Variants in LRRC53 observed in about 807,000 individuals in gnomAD.
The protein encoded by LRRC53 is leucine-rich repeat-containing protein 53.
In LRRC53, 25 loss-of-function variants were observed where a neutral mutation model predicts 13.6. That is an observed-to-expected ratio of 1.83 (90% CI 1.34 to 2.56). The LOEUF is 2.56. LRRC53 is among the 30% of genes most tolerant of loss of function. The probability of loss-of-function intolerance (pLI) is 0.00; values close to 1 mark genes in which losing one functional copy is unlikely to be tolerated. For missense variants in LRRC53, 527 were observed against 275.8 expected, an observed-to-expected ratio of 1.91 and a Z score of -6.45; for synonymous variants, 204 against 109.8, an observed-to-expected ratio of 1.86 and a Z score of -5.37.
intron 1 of LRRC53, among the ~76,000 whole-genome samples, chr1:74,507,846 A>G (rs1669983739): frequency 6.6e-6 from 1 of 152,224 alleles, no homozygotes; most frequent in African/African-American, 2.4e-5. Flanking sequence ...AAGGCTGAAA[A>G]TTGAAGCAGC....
At chr1:74,501,952 A>G (rs1669656297) in intron 1 of LRRC53, among the ~76,000 whole-genome samples, 1 of 152,048 alleles carries the variant, frequency 6.6e-6, no homozygotes, top group African/African-American at 2.4e-5. Context: ...TCCTCTGCAT[A>G]TCTTTATGTA....
chr1:74,479,192 A>G (rs1668354744), intron 3 of LRRC53, among the ~76,000 whole-genome samples: 1 of 152,124 alleles, frequency 6.6e-6, no homozygotes, highest in South Asian at 2.1e-4. Context: ...GGTTACCCAC[A>G]GGTGCAGAGG....
At chr1:74,477,606 A>G (rs1668268546) in intron 3 of LRRC53, among the ~76,000 whole-genome samples, 1 of 152,198 alleles carries the variant, frequency 6.6e-6, no homozygotes, top group East Asian at 1.9e-4. Flanking sequence ...GAGAGTAAAC[A>G]TAATTTGATT....
chr1:74,525,508 A>G, the LRRC53 span, among the ~76,000 whole-genome samples: 3 of 152,148 alleles, frequency 2.0e-5, no homozygotes, highest in Non-Finnish European at 1.5e-5. Context: ...AATCTGAGAG[A>G]TGAGGCTGAA....
rs1379081309 is a variant in LRRC53 at position 74,491,420 on chromosome 1, ATGTTGACCAGATGGTGTCGATC to A, written c.-26-8067_-26-8046del. 2.6e-5 allele frequency among the ~76,000 whole-genome samples: 4 copies of A among 152,248 alleles called. No homozygotes were observed. The South Asian group carries it at 8.3e-4, about 32-fold the overall frequency. ...TTTTTATTAGAGACGGGGTTTCACCATGTTGACCAGATGGTGTCGATCTGTTGACCAGGATGGTGTCGATCTC... is the reference window on the plus strand; with the variant it reads ...TTTTTATTAGAGACGGGGTTTCACCATGTTGACCAGGATGGTGTCGATCTC... On this transcript the variant is annotated intron_variant, in intron 1 of 4. Coordinates refer to ENST00000294635, the MANE Select transcript of LRRC53 (RefSeq NM_001382280.1).
chr1:74,476,963 A>G (rs1405759156), intron 3 of LRRC53, among the ~76,000 whole-genome samples: 1 of 152,180 alleles, frequency 6.6e-6, no homozygotes, highest in East Asian at 1.9e-4. Context: ...ATAGTTTACC[A>G]TATCTTGAAC....
At chr1:74,472,741 C>A (rs923958234) in intron 4 of LRRC53, among the ~76,000 whole-genome samples, 3 of 152,018 alleles carry the variant, frequency 2.0e-5, no homozygotes, top group South Asian at 2.1e-4. Context: ...ATAAAATGTT[C>A]ATTAAATATT....
Position 74,480,957 on chromosome 1 carries a change from T to A in LRRC53, c.100A>T (p.Thr34Ser). ...QLTYIVAAPMTTRVLIITDGY... is the reference protein window; with the variant it reads ...QLTYIVAAPMSTRVLIITDGY... ...TCGGTGATGATTAAAACCCTCGTGG[T>A]CATAGGGGCTGCTGTGGGGAAAAAA... The change falls in exon 3 of 5, where the codon ACC (threonine) becomes TCC (serine). Residue 34 changes from threonine (T) to serine (S), a missense_variant. Transcript: ENST00000294635. 1.4e-6 allele frequency: 1 copy of A among 713,050 alleles called. No homozygotes were observed. Among genetic ancestry groups the A allele is most frequent in the Non-Finnish European group, 2.6e-6 (1 of 382,664 alleles). The allele number at this position is 713,050 out of a possible 1,614,324, so 44.2% of individuals were successfully genotyped here.
At chr1:74,504,010 A>G (rs946223453) in intron 1 of LRRC53, among the ~76,000 whole-genome samples, 2 of 152,258 alleles carry the variant, frequency 1.3e-5, no homozygotes, top group African/African-American at 4.8e-5. Context: ...GATCCAAACA[A>G]TAAACACAGC....
chr1:74,474,866 G>A (rs1668112420), intron 4 of LRRC53, among the ~76,000 whole-genome samples: 1 of 151,946 alleles, frequency 6.6e-6, no homozygotes, highest in African/African-American at 2.4e-5. Flanking sequence ...GCATTAGAGG[G>A]CCCATTCTTC....
chr1:74,528,086 G>C, the LRRC53 span, among the ~76,000 whole-genome samples: 1 of 152,170 alleles, frequency 6.6e-6, no homozygotes, highest in Non-Finnish European at 1.5e-5. Context: ...GTATGAGAAG[G>C]GTGGAGAGAA....
At chr1:74,514,337 G>A (rs1240680432), upstream of LRRC53, among the ~76,000 whole-genome samples, 1 of 152,192 alleles carries the variant, frequency 6.6e-6, no homozygotes, top group Non-Finnish European at 1.5e-5. Context: ...GCTTTGTGAT[G>A]CTTTTGGCAA....
At chr1:74,531,959 G>A in the LRRC53 span, among the ~76,000 whole-genome samples, 4 of 152,294 alleles carry the variant, frequency 2.6e-5, 1 homozygote, top group South Asian at 6.2e-4. Flanking sequence ...ATCATCCAGA[G>A]TACAGGTAGC....
the LRRC53 span, among the ~76,000 whole-genome samples, chr1:74,524,677 A>G: frequency 1.3e-5 from 2 of 151,080 alleles, no homozygotes; most frequent in African/African-American, 4.8e-5. Flanking sequence ...AGCAGCAAAT[A>G]AAACACAGAA....
upstream of LRRC53, among the ~76,000 whole-genome samples, chr1:74,513,103 C>T (rs1457457514): frequency 1.3e-5 from 2 of 152,228 alleles, no homozygotes; most frequent in African/African-American, 2.4e-5. Flanking sequence ...ATCAACCTAG[C>T]ACACAGCTTG....
chr1:74,489,616 T>G (rs1441407057), intron 1 of LRRC53, among the ~76,000 whole-genome samples: 1 of 152,206 alleles, frequency 6.6e-6, no homozygotes, highest in Non-Finnish European at 1.5e-5. Context: ...CATTGTTCAT[T>G]TACATTCAAT....
At chr1:74,496,215 T>A (rs999248961) in intron 1 of LRRC53, among the ~76,000 whole-genome samples, 22 of 152,098 alleles carry the variant, frequency 1.4e-4, no homozygotes, top group African/African-American at 4.3e-4. Context: ...AGTCATTCTG[T>A]AAGAAGGGGA....
At chr1:74,519,492 C>T in the LRRC53 span, among the ~76,000 whole-genome samples, 1 of 125,294 alleles carries the variant, frequency 8.0e-6, no homozygotes, top group African/African-American at 4.5e-5. Flanking sequence ...AGTTTACAGT[C>T]CCACCAACAG....
At chr1:74,530,922 C>T in the LRRC53 span, among the ~76,000 whole-genome samples, 2 of 152,000 alleles carry the variant, frequency 1.3e-5, no homozygotes, top group African/African-American at 2.4e-5. Flanking sequence ...ACTGTTGAGC[C>T]TATTAATAAT....
Sources: gnomAD v4.1 joint callset for allele counts (sites outside exome capture counted in the v4.1 genomes callset) on GRCh38, gnomAD v4.1.1 for gene constraint, MANE v1.5 for transcripts, NCBI Gene and HGNC (gene_info 2026-07-23, HGNC 2026-07-21) for gene names.